The following CNTNAP5 variants were observed in gnomAD, a reference collection of about 807,000 sequenced individuals.
The protein encoded by CNTNAP5 is contactin-associated protein-like 5.
Under a neutral mutation model 150.2 loss-of-function variants are expected in CNTNAP5, and 72 were observed. The ratio of observed to expected loss-of-function variants is 0.48; its 90% CI spans 0.40 to 0.58. The LOEUF (loss-of-function observed/expected upper bound fraction) is 0.58, where lower values mean the gene tolerates loss of function less well. Ranked by LOEUF, CNTNAP5 falls within the 20% of genes least tolerant of loss-of-function variation. CNTNAP5 has a pLI of 0.00. For synonymous variants in CNTNAP5, 672 were observed against 619.8 expected (o/e 1.08, Z -1.25); for missense variants, 1,636 against 1,626.2 (o/e 1.01, Z -0.10).
At position 124,661,635 on chromosome 2, in the gene CNTNAP5, A is replaced by T. The variant is rs139480123; in HGVS notation, c.2077+13677A>T. ...TAAAAATAGTATAATAAATGCATAA[A>T]CCAGGAACATAGTCATTTATTATTA... On this transcript the variant is annotated intron_variant, in intron 13 of 23. Transcript: ENST00000682447. Among the ~76,000 whole-genome samples, 581 of 152,124 alleles carry T rather than the reference A, an allele frequency of 3.8e-3. 4 individuals are homozygous for T. Among genetic ancestry groups the T allele is most frequent in the South Asian group, 0.022 (107 of 4,816 alleles).
At chr2:124,399,265 G>A (rs552580942) in intron 3 of CNTNAP5, among the ~76,000 whole-genome samples, 2 of 152,136 alleles carry the variant, frequency 1.3e-5, no homozygotes, top group South Asian at 2.1e-4. Context: ...CATGATAAAT[G>A]TGGGTTATTA....
intron 3 of CNTNAP5, among the ~76,000 whole-genome samples, chr2:124,408,093 T>A (rs1691628178): frequency 6.6e-6 from 1 of 152,166 alleles, no homozygotes; most frequent in African/African-American, 2.4e-5. Context: ...GTCAGGGAGT[T>A]CCCTTTCCGA....
chr2:124,489,641 C>G (rs1167107145), intron 7 of CNTNAP5, among the ~76,000 whole-genome samples: 2 of 152,088 alleles, frequency 1.3e-5, no homozygotes, highest in Non-Finnish European at 2.9e-5. Flanking sequence ...ACTCCACTTC[C>G]TAAAACAAAA....
At chr2:124,897,003 A>AT (rs1678320052) in intron 21 of CNTNAP5, among the ~76,000 whole-genome samples, 1 of 151,594 alleles carries the variant, frequency 6.6e-6, no homozygotes, top group African/African-American at 2.4e-5. Flanking sequence ...GAAACATGTA[A>AT]CCATCTTCTA....
At chr2:124,596,883 C>CCAT (rs1214706512) in intron 11 of CNTNAP5, among the ~76,000 whole-genome samples, 3 of 64,012 alleles carry the variant, frequency 4.7e-5, no homozygotes, top group Non-Finnish European at 3.7e-5. Flanking sequence ...GATCCCTTTA[C>CCAT]CATTATGTAA....
chr2:124,179,423 G>T (rs770218582), intron 1 of CNTNAP5, among the ~76,000 whole-genome samples: 5 of 152,098 alleles, frequency 3.3e-5, no homozygotes, highest in Admixed American at 6.6e-5. Context: ...ACCTCTTAAA[G>T]TGCTGGGATT....
intron 13 of CNTNAP5, among the ~76,000 whole-genome samples, chr2:124,656,648 G>T (rs1196279916): frequency 6.6e-6 from 1 of 152,140 alleles, no homozygotes; most frequent in Admixed American, 6.5e-5. Flanking sequence ...TCAACAGATG[G>T]TATATATCTG....
At chr2:124,810,680 A>G (rs1682196073) in intron 19 of CNTNAP5, among the ~76,000 whole-genome samples, 1 of 152,134 alleles carries the variant, frequency 6.6e-6, no homozygotes, top group Admixed American at 6.5e-5. Context: ...GGAAACAGAG[A>G]ACCCACCACA....
rs1678761092 is a variant in CNTNAP5 at position 124,916,008 on chromosome 2, C to T, written c.*1720C>T. ...CAGTTAGCAGACATTCCAACTTGTGCTTAGGGTACACTGTCTCTCGCCTCT... is the reference window on the plus strand; with the variant it reads ...CAGTTAGCAGACATTCCAACTTGTGTTTAGGGTACACTGTCTCTCGCCTCT... On this transcript the variant is annotated 3_prime_UTR_variant, in exon 24 of 24. Coordinates refer to ENST00000682447, the MANE Select transcript of CNTNAP5 (RefSeq NM_001367498.1). 6.6e-6 allele frequency among the ~76,000 whole-genome samples: 1 copy of T among 152,056 alleles called. No individual in the cohort carries two copies. The highest frequency in any genetic ancestry group is 2.4e-5 in the African/African-American group (1 of 41,428).
intron 3 of CNTNAP5, among the ~76,000 whole-genome samples, chr2:124,404,002 G>C (rs1018262128): frequency 1.8e-4 from 27 of 152,144 alleles, no homozygotes; most frequent in African/African-American, 6.5e-4. Context: ...CTCCCACTGG[G>C]TCCCTCTCAT....
At chr2:124,874,448 G>A (rs938550691) in intron 21 of CNTNAP5, among the ~76,000 whole-genome samples, 4 of 152,068 alleles carry the variant, frequency 2.6e-5, no homozygotes, top group East Asian at 1.9e-4. Context: ...TCACAAGAGC[G>A]TAGACAGCCA....
chr2:124,429,249 T>C (rs1692313713), intron 4 of CNTNAP5, among the ~76,000 whole-genome samples: 1 of 152,214 alleles, frequency 6.6e-6, no homozygotes, highest in African/African-American at 2.4e-5. Context: ...CATCCTGTTT[T>C]TTTTCATGTG....
In CNTNAP5 at chr2:124,492,607, A is replaced by G. The variant is rs529457277; in HGVS notation, c.1063-11685A>G. On this transcript the variant is annotated intron_variant, in intron 7 of 23. Transcript: ENST00000682447. The stretch of plus-strand genomic sequence containing the variant: ...GTAAGGATTTTTTTATTCTACTTCT[A>G]TGAAGACTGCCATTGGAAATTTGAT... Among the ~76,000 whole-genome samples the G allele has an allele frequency of 2.6e-5, 4 of 152,258 alleles. No homozygotes were observed. In the East Asian group the frequency reaches 5.8e-4, roughly 22 times the overall value.
chr2:124,660,057 A>G (rs896191682), intron 13 of CNTNAP5, among the ~76,000 whole-genome samples: 1 of 151,048 alleles, frequency 6.6e-6, no homozygotes, highest in Non-Finnish European at 1.5e-5. Context: ...GAAGGAAGGA[A>G]GGAAGGAAGG....
At chr2:124,066,841 A>G (rs893997444) in intron 1 of CNTNAP5, among the ~76,000 whole-genome samples, 1 of 152,134 alleles carries the variant, frequency 6.6e-6, no homozygotes, top group African/African-American at 2.4e-5. Context: ...TGTCCTTTTA[A>G]TATATCTATA....
chr2:124,743,605 G>A (rs188006758), intron 13 of CNTNAP5, among the ~76,000 whole-genome samples: 97 of 152,250 alleles, frequency 6.4e-4, no homozygotes, highest in East Asian at 9.7e-4. Flanking sequence ...GACTGAATCC[G>A]TCTCTAGGCG....
At chr2:124,875,871 A>G (rs1677850860) in intron 21 of CNTNAP5, among the ~76,000 whole-genome samples, 1 of 152,014 alleles carries the variant, frequency 6.6e-6, no homozygotes, top group African/African-American at 2.4e-5. Context: ...TCAAGGGTGT[A>G]TCAAACTCAT....
chr2:124,321,396 T>C (rs1346180791), intron 3 of CNTNAP5, among the ~76,000 whole-genome samples: 1 of 150,926 alleles, frequency 6.6e-6, no homozygotes, highest in Non-Finnish European at 1.5e-5. Context: ...TGAGCCAAGA[T>C]TGTGCCATTG....
At chr2:124,472,660 A>G (rs1417623846) in intron 6 of CNTNAP5, among the ~76,000 whole-genome samples, 1 of 151,822 alleles carries the variant, frequency 6.6e-6, no homozygotes, top group African/African-American at 2.4e-5. Flanking sequence ...GTGAATATTG[A>G]AATAATCAAG....
Sources: gnomAD v4.1 joint callset for allele counts (sites outside exome capture counted in the v4.1 genomes callset) on GRCh38, gnomAD v4.1.1 for gene constraint, MANE v1.5 for transcripts, NCBI Gene and HGNC (gene_info 2026-07-23, HGNC 2026-07-21) for gene names.